Variants in ADARB2 observed in about 807,000 individuals in gnomAD.
The protein encoded by ADARB2 is inactive double-stranded RNA-specific editase B2.
A neutral mutation model predicts 62.2 loss-of-function variants in ADARB2; 25 were observed. That is an observed-to-expected ratio of 0.40 (90% CI 0.29 to 0.56). The LOEUF (loss-of-function observed/expected upper bound fraction) is 0.56, where lower values mean the gene tolerates loss of function less well. Among genes scored for constraint, ADARB2 ranks in the 20% least tolerant of loss-of-function variants. The probability of loss-of-function intolerance (pLI) is 0.43; values close to 1 mark genes in which losing one functional copy is unlikely to be tolerated. For missense variants in ADARB2, 1,071 were observed against 1,077.4 expected, an observed-to-expected ratio of 0.99 and a Z score of 0.08; for synonymous variants, 572 against 500.8, an observed-to-expected ratio of 1.14 and a Z score of -1.90.
At chr10:1,444,798 C>T (rs1412203063) in intron 1 of ADARB2, among the ~76,000 whole-genome samples, 1 of 150,450 alleles carries the variant, frequency 6.6e-6, no homozygotes, top group Non-Finnish European at 1.5e-5. Context: ...TCCACCCACT[C>T]ATTCATTCTT....
intron 1 of ADARB2, among the ~76,000 whole-genome samples, chr10:1,664,648 G>A (rs554979223): frequency 2.0e-5 from 3 of 152,316 alleles, no homozygotes; most frequent in African/African-American, 7.2e-5. Context: ...CGGTCGTCTG[G>A]TAGGAGTGCA....
chr10:1,665,610 G>A (rs1834306369), intron 1 of ADARB2, among the ~76,000 whole-genome samples: 1 of 152,270 alleles, frequency 6.6e-6, no homozygotes, highest in Non-Finnish European at 1.5e-5. Context: ...CAAATGCCAA[G>A]AAGCAATCGT....
At chr10:1,703,301 G>C (rs1834847013) in intron 1 of ADARB2, among the ~76,000 whole-genome samples, 1 of 152,192 alleles carries the variant, frequency 6.6e-6, no homozygotes, top group Non-Finnish European at 1.5e-5. Context: ...TGAGGAGGGT[G>C]ACATTTTAGC....
intron 1 of ADARB2, among the ~76,000 whole-genome samples, chr10:1,566,677 T>G (rs1004540282): frequency 7.9e-5 from 12 of 152,234 alleles, no homozygotes; most frequent in African/African-American, 2.7e-4. Context: ...CTTTGTTAGA[T>G]GTGGTGATTG....
chr10:1,726,851 G>T (rs544674405), intron 1 of ADARB2, among the ~76,000 whole-genome samples: 1 of 152,110 alleles, frequency 6.6e-6, no homozygotes, highest in African/African-American at 2.4e-5. Context: ...AGGGGCTCAC[G>T]CTGGAAGCAC....
chr10:1,270,894 A>C, intron 4 of ADARB2, 61 bp downstream of exon 4: 1 of 1,445,200 alleles, frequency 6.9e-7, no homozygotes, highest in Non-Finnish European at 9.6e-7. Context: ...AAGATCAGGT[A>C]GATGCTAATG....
intron 1 of ADARB2, among the ~76,000 whole-genome samples, chr10:1,640,291 C>T (rs1292536864): frequency 6.6e-6 from 1 of 152,194 alleles, no homozygotes. Context: ...CTTCTGAACG[C>T]CTGCTTCTTT....
intron 1 of ADARB2, among the ~76,000 whole-genome samples, chr10:1,614,396 A>G (rs1247162014): frequency 6.6e-6 from 1 of 152,266 alleles, no homozygotes; most frequent in East Asian, 1.9e-4. Context: ...TGAATTTTAA[A>G]GAATACAGAA....
intron 1 of ADARB2, among the ~76,000 whole-genome samples, chr10:1,607,238 G>A (rs895720087): frequency 3.3e-5 from 5 of 152,180 alleles, no homozygotes; most frequent in Admixed American, 2.0e-4. Flanking sequence ...CGAGGTCTCC[G>A]AGGGCTGAGC....
intron 1 of ADARB2, among the ~76,000 whole-genome samples, chr10:1,634,652 C>T (rs1354554293): frequency 3.9e-5 from 6 of 152,170 alleles, no homozygotes; most frequent in South Asian, 2.1e-4. Flanking sequence ...TATAATATGT[C>T]GCATGACCTC....
At position 1,560,722 on chromosome 10, in the gene ADARB2, G is replaced by A. The variant is rs147783321; in HGVS notation, c.100+176329C>T. ...ACTCTCGCCCAGGCAGGCAAGCAGG[G>A]TCAGGAGCCGAGGATGTCGGAGCAG... On this transcript the variant is annotated intron_variant, in intron 1 of 9. Coordinates refer to ENST00000381312, the MANE Select transcript of ADARB2 (RefSeq NM_018702.4). Among the ~76,000 whole-genome samples, 709 of 152,340 alleles carry A rather than the reference G, an allele frequency of 4.7e-3. 23 individuals carry two copies. The highest frequency in any genetic ancestry group is 0.042 in the Admixed American group (645 of 15,302).
chr10:1,388,333 G>A (rs528106196), intron 1 of ADARB2, among the ~76,000 whole-genome samples: 1 of 152,264 alleles, frequency 6.6e-6, no homozygotes, highest in South Asian at 2.1e-4. Flanking sequence ...AGGCAGGGAT[G>A]TCTGCCTTCA....
chr10:1,195,529 TGAAAG>T (rs1332473458), intron 8 of ADARB2, among the ~76,000 whole-genome samples: 1 of 151,870 alleles, frequency 6.6e-6, no homozygotes, highest in Admixed American at 6.6e-5. Flanking sequence ...GAGACGACGT[TGAAAG>T]GTTTTCATGC....
chr10:1,365,413 G>A (rs777816756), intron 2 of ADARB2, among the ~76,000 whole-genome samples: 1 of 151,994 alleles, frequency 6.6e-6, no homozygotes. Flanking sequence ...TTGAAATTAG[G>A]CCACTGAATA....
chr10:1,265,864 C>T (rs577008942), intron 4 of ADARB2, among the ~76,000 whole-genome samples: 4 of 120,698 alleles, frequency 3.3e-5, no homozygotes, highest in African/African-American at 1.3e-4. Flanking sequence ...TCCACGCTCC[C>T]CCGGAAGACG....
At chr10:1,299,906 T>C (rs1831557869) in intron 3 of ADARB2, among the ~76,000 whole-genome samples, 1 of 152,206 alleles carries the variant, frequency 6.6e-6, no homozygotes, top group Non-Finnish European at 1.5e-5. Context: ...AGTTGCTACT[T>C]GAATGTGGCT....
intron 1 of ADARB2, among the ~76,000 whole-genome samples, chr10:1,663,268 A>G (rs1834271794): frequency 6.6e-6 from 1 of 152,214 alleles, no homozygotes; most frequent in South Asian, 2.1e-4. Context: ...CGCATTGATT[A>G]CGACTGATGA....
intron 3 of ADARB2, among the ~76,000 whole-genome samples, chr10:1,328,011 A>ACAG (rs1831892155): frequency 6.6e-6 from 1 of 151,562 alleles, no homozygotes; most frequent in Non-Finnish European, 1.5e-5. Flanking sequence ...GCGCCTCCGC[A>ACAG]TTCTGGGGGC....
At chr10:1,210,202 A>G (rs1564221523) in intron 7 of ADARB2, among the ~76,000 whole-genome samples, 1 of 152,226 alleles carries the variant, frequency 6.6e-6, no homozygotes, top group Non-Finnish European at 1.5e-5. Context: ...TGCAAAGAGA[A>G]TGACCTATTT....
Sources: gnomAD v4.1 joint callset for allele counts (sites outside exome capture counted in the v4.1 genomes callset) on GRCh38, gnomAD v4.1.1 for gene constraint, MANE v1.5 for transcripts, NCBI Gene and HGNC (gene_info 2026-07-23, HGNC 2026-07-21) for gene names.